SGMS1: variants seen among roughly 807,000 people sequenced by gnomAD.
SGMS1 encodes the protein phosphatidylcholine:ceramide cholinephosphotransferase 1.
In SGMS1, 13 loss-of-function variants were observed where a neutral mutation model predicts 46.2. The ratio of observed to expected loss-of-function variants is 0.28; its 90% confidence interval spans 0.18 to 0.45. SGMS1 has a LOEUF of 0.45. Among genes scored for constraint, SGMS1 ranks in the 20% least tolerant of loss-of-function variants. The pLI, the probability that SGMS1 is intolerant of heterozygous loss-of-function variation, is 1.00. For synonymous variants in SGMS1, 203 were observed against 187.8 expected, an observed-to-expected ratio of 1.08 and a Z score of -0.66; for missense variants, 324 against 519.9, an observed-to-expected ratio of 0.62 and a Z score of 3.66.
At chr10:50,511,248 TACACACACACAC>T (rs3054272) in intron 3 of SGMS1, among the ~76,000 whole-genome samples, 1 of 141,790 alleles carries the variant, frequency 7.1e-6, no homozygotes, top group South Asian at 2.3e-4. Flanking sequence ...CACTCATTCA[TACACACACACAC>T]ACACACACAC....
intron 8 of SGMS1, among the ~76,000 whole-genome samples, chr10:50,325,914 C>T (rs1847523369): frequency 6.6e-6 from 1 of 152,112 alleles, no homozygotes; most frequent in East Asian, 1.9e-4. Context: ...GAGTCCATAT[C>T]CTTGGATTTT....
chr10:50,529,185 C>A (rs1837930448), intron 2 of SGMS1, among the ~76,000 whole-genome samples: 1 of 152,164 alleles, frequency 6.6e-6, no homozygotes, highest in South Asian at 2.1e-4. Context: ...TGCTTACCAC[C>A]AATATTCGAA....
intron 6 of SGMS1, among the ~76,000 whole-genome samples, chr10:50,419,460 T>C (rs1428890102): frequency 2.0e-5 from 3 of 150,984 alleles, no homozygotes; most frequent in African/African-American, 7.3e-5. Flanking sequence ...TTGAATTTGG[T>C]ATTCTTACTA....
chr10:50,573,171 G>A (rs577357320), intron 2 of SGMS1, among the ~76,000 whole-genome samples: 51 of 152,202 alleles, frequency 3.4e-4, no homozygotes, highest in Non-Finnish European at 6.3e-4. Flanking sequence ...TCTAAGATCT[G>A]GAATACACAA....
chr10:50,577,432 C>T (rs1167698058), intron 2 of SGMS1, among the ~76,000 whole-genome samples: 1 of 152,132 alleles, frequency 6.6e-6, no homozygotes, highest in Non-Finnish European at 1.5e-5. Context: ...GCAGGAGTAG[C>T]TAATTAAACA....
At chr10:50,578,271 T>A (rs1838402504) in intron 2 of SGMS1, among the ~76,000 whole-genome samples, 1 of 152,222 alleles carries the variant, frequency 6.6e-6, no homozygotes, top group Non-Finnish European at 1.5e-5. Flanking sequence ...GGTATTTATG[T>A]CCAGTCTCTT....
intron 6 of SGMS1, among the ~76,000 whole-genome samples, chr10:50,347,576 C>T (rs1847935403): frequency 6.6e-6 from 1 of 152,142 alleles, no homozygotes; most frequent in Admixed American, 6.5e-5. Context: ...ACACTCTCAG[C>T]AGAGTTAGGA....
intron 6 of SGMS1, among the ~76,000 whole-genome samples, chr10:50,380,659 C>T (rs1848589088): frequency 6.6e-6 from 1 of 152,150 alleles, no homozygotes; most frequent in African/African-American, 2.4e-5. Context: ...GTGTGGGCTA[C>T]TGAAAGACCA....
At chr10:50,542,415 T>TGA (rs1171843785) in intron 2 of SGMS1, among the ~76,000 whole-genome samples, 3 of 152,156 alleles carry the variant, frequency 2.0e-5, no homozygotes, top group African/African-American at 7.2e-5. Flanking sequence ...GAACAGATTA[T>TGA]GAGATACTTG....
At chr10:50,473,139 CTGTT>C (rs1302321258) in intron 3 of SGMS1, among the ~76,000 whole-genome samples, 27 of 151,596 alleles carry the variant, frequency 1.8e-4, no homozygotes, top group African/African-American at 5.9e-4. Context: ...CTAACTAAAA[CTGTT>C]AATGCTTAAA....
chr10:50,622,875 G>T (rs1435500843), intron 1 of SGMS1, among the ~76,000 whole-genome samples: 1 of 152,260 alleles, frequency 6.6e-6, no homozygotes, highest in Admixed American at 6.5e-5. Flanking sequence ...GGGTTAAGAC[G>T]GTGGGAGAGG....
chr10:50,416,025 G>A (rs919214331), intron 6 of SGMS1, among the ~76,000 whole-genome samples: 3 of 152,162 alleles, frequency 2.0e-5, no homozygotes, highest in African/African-American at 7.2e-5. Context: ...GTGCATTAAC[G>A]AGCTCATTAA....
chr10:50,459,177 CAG>C (rs2133681724), intron 5 of SGMS1, among the ~76,000 whole-genome samples: 1 of 152,198 alleles, frequency 6.6e-6, no homozygotes, highest in Non-Finnish European at 1.5e-5. Context: ...ACTCAGAAAA[CAG>C]AATCAGTGAA....
At chr10:50,567,244 C>T (rs1838296713) in intron 2 of SGMS1, among the ~76,000 whole-genome samples, 1 of 152,150 alleles carries the variant, frequency 6.6e-6, no homozygotes, top group African/African-American at 2.4e-5. Flanking sequence ...CGCACCCGGC[C>T]TATACTGTAT....
chr10:50,540,986 T>TG (rs143796190), intron 2 of SGMS1, among the ~76,000 whole-genome samples: 4,752 of 152,042 alleles, frequency 0.031, 257 homozygotes, highest in African/African-American at 0.11. Flanking sequence ...AACAGAAACT[T>TG]GGTTTGGGAA....
At chr10:50,445,559 T>C (rs1326791016) in intron 5 of SGMS1, among the ~76,000 whole-genome samples, 1 of 152,188 alleles carries the variant, frequency 6.6e-6, no homozygotes, top group Non-Finnish European at 1.5e-5. Flanking sequence ...TGAACATAAA[T>C]TGTGAAGATT....
At chr10:50,475,977 G>T (rs891089730) in intron 3 of SGMS1, among the ~76,000 whole-genome samples, 2 of 151,514 alleles carry the variant, frequency 1.3e-5, no homozygotes, top group African/African-American at 4.9e-5. Context: ...GGGGATGGGT[G>T]CAGTGGCTCA....
intron 6 of SGMS1, among the ~76,000 whole-genome samples, chr10:50,396,233 G>T (rs1365942051): frequency 6.6e-6 from 1 of 152,108 alleles, no homozygotes; most frequent in Non-Finnish European, 1.5e-5. Context: ...CCCTCTAGAG[G>T]TCCAAGCTTA....
intron 4 of SGMS1, among the ~76,000 whole-genome samples, chr10:50,463,812 T>G (rs1837296805): frequency 6.6e-6 from 1 of 152,194 alleles, no homozygotes. Flanking sequence ...AAACATGGTA[T>G]ATACATACAA....
Sources: allele counts gnomAD v4.1 joint callset (sites outside exome capture counted in the v4.1 genomes callset), GRCh38; gene constraint gnomAD v4.1.1; transcripts MANE v1.5; gene names NCBI Gene and HGNC (gene_info 2026-07-23, HGNC 2026-07-21).